Variants in ZNF711 observed in about 807,000 individuals in gnomAD.
ZNF711 encodes zinc finger protein 711.
Under a neutral mutation model 43.5 loss-of-function variants are expected in ZNF711, and 3 were observed. The observed-to-expected ratio is 0.07, with a 90% CI of 0.03 to 0.18. The LOEUF (loss-of-function observed/expected upper bound fraction) is 0.18, where lower values mean the gene tolerates loss of function less well. ZNF711 is among the 10% of genes least tolerant of loss of function. ZNF711 has a pLI of 1.00. For missense variants in ZNF711, 412 were observed against 604.0 expected (o/e 0.68, Z 3.33); for synonymous variants, 209 against 207.7 (o/e 1.01, Z -0.06).
intron 7 of ZNF711, among the ~76,000 whole-genome samples, chrX:85,266,862 G>T (rs924212457): frequency 9.5e-6 from 1 of 105,790 alleles, no homozygotes; most frequent in African/African-American, 3.4e-5. Context: ...TTTATTACAT[G>T]TATAGTACTG....
chrX:85,270,554 T>C, intron 10 of ZNF711, 97 bp from the exon 11 acceptor site: 1 of 736,257 alleles, frequency 1.4e-6, no homozygotes, highest in African/African-American at 2.1e-5. Flanking sequence ...TAGTATTGTT[T>C]TCACATAGTG....
In ZNF711 at chrX:85,244,040, C is replaced by G. The variant is rs1443613813; in HGVS notation, c.-557C>G. Reference sequence around the variant, plus strand: ...CTCGGGCTGCGGAACCTCGGAAACCCGAATGTGAGGACCTTAAGGGATCCA... The same window carrying G: ...CTCGGGCTGCGGAACCTCGGAAACCGGAATGTGAGGACCTTAAGGGATCCA... On this transcript the variant is annotated 5_prime_UTR_variant, in exon 1 of 11. Coordinates refer to ENST00000674551, the MANE Select transcript of ZNF711 (RefSeq NM_001330574.2). The G allele has an allele frequency of 8.0e-6, 1 of 124,501 alleles. No homozygotes were observed. Among genetic ancestry groups the G allele is most frequent in the Non-Finnish European group, 1.6e-5 (1 of 61,745 alleles). The allele number at this position is 124,501 out of a possible 1,213,427, so 10.3% of individuals were successfully genotyped here. A position where few individuals can be genotyped will look rare whatever the true frequency, so the allele number is the denominator to read the frequency against.
At chrX:85,261,541 C>G (rs781075968) in intron 5 of ZNF711, among the ~76,000 whole-genome samples, 8 of 110,907 alleles carry the variant, frequency 7.2e-5, no homozygotes, top group Non-Finnish European at 1.3e-4. Flanking sequence ...TTATACCATA[C>G]TCACCATATA....
rs763025797 is a variant in ZNF711 at position 85,265,282 on chromosome X, C to CT, written c.916+29dup. 29 of 1,194,242 alleles carry CT rather than the reference C, an allele frequency of 2.4e-5. No homozygotes were observed. The Admixed American group carries it at 6.2e-4, about 25-fold the overall frequency. The stretch of plus-strand genomic sequence containing the variant: ...TAAGAAAATAAGGGCACTGTAGTGA[C>CT]TTATCAGTAGCCATCATGCATTATT... On this transcript the variant is annotated intron_variant, in intron 7 of 10. Coordinates refer to ENST00000674551, the MANE Select transcript of ZNF711 (RefSeq NM_001330574.2).
intron 9 of ZNF711, among the ~76,000 whole-genome samples, chrX:85,268,593 T>C (rs1158133742): frequency 1.8e-5 from 2 of 111,286 alleles, no homozygotes; most frequent in African/African-American, 6.5e-5. Flanking sequence ...GTTTATCAAA[T>C]GGACCATAAC....
chrX:85,247,480 T>C, intron 3 of ZNF711, 67 bp from the exon 4 acceptor site: 1 of 796,023 alleles, frequency 1.3e-6, no homozygotes, highest in East Asian at 3.2e-5. Context: ...CAATTGCATT[T>C]TTTTCTCAAA....
intron 4 of ZNF711, among the ~76,000 whole-genome samples, chrX:85,249,261 T>C (rs1929334535): frequency 8.9e-6 from 1 of 112,132 alleles, no homozygotes; most frequent in South Asian, 3.7e-4. Flanking sequence ...AGAGAGTTGA[T>C]AGTTTTTAGA....
chrX:85,256,757 T>G (rs181620717), intron 5 of ZNF711, among the ~76,000 whole-genome samples: 104 of 110,843 alleles, frequency 9.4e-4, no homozygotes, highest in African/African-American at 2.8e-3. Flanking sequence ...AGCATAACTT[T>G]TTTCTTCTAT....
intron 4 of ZNF711, among the ~76,000 whole-genome samples, chrX:85,248,634 A>G (rs1602951841): frequency 1.8e-5 from 2 of 111,005 alleles, no homozygotes; most frequent in African/African-American, 6.5e-5. Flanking sequence ...GAGGAGATAG[A>G]GCTATTTGAA....
intron 9 of ZNF711, among the ~76,000 whole-genome samples, chrX:85,269,371 TTTC>T (rs1308153931): frequency 9.5e-6 from 1 of 105,558 alleles, no homozygotes; most frequent in Non-Finnish European, 1.9e-5. Context: ...TCTTTCTTTC[TTTC>T]TTTTTTCTTT....
At chrX:85,248,777 T>TGAGG (rs1364629676) in intron 4 of ZNF711, among the ~76,000 whole-genome samples, 1 of 111,620 alleles carries the variant, frequency 9.0e-6, no homozygotes, top group Non-Finnish European at 1.9e-5. Flanking sequence ...AAATTAGTGA[T>TGAGG]GAGGGAATAG....
At position 85,255,453 on chromosome X, in the gene ZNF711, G is replaced by GC; in HGVS notation, c.275dup (p.Val93GlyfsTer3). On this transcript the variant is annotated frameshift_variant, in exon 5 of 11. Transcript: ENST00000674551. LOFTEE classifies it high-confidence loss of function. ...AACAGAAGGTGTGATTGTTCCTGAA[G>GC]CGGTACTTGAAGCTGATGTTGCCAT... The GC allele has an allele frequency of 8.3e-7, 1 of 1,211,761 alleles. No individual in the cohort carries two copies. Among genetic ancestry groups the GC allele is most frequent in the Non-Finnish European group, 1.1e-6 (1 of 895,478 alleles).
At chrX:85,261,372 A>G (rs751931713) in intron 5 of ZNF711, among the ~76,000 whole-genome samples, 2 of 111,429 alleles carry the variant, frequency 1.8e-5, no homozygotes, top group African/African-American at 6.5e-5. Context: ...ATGTGAGTGT[A>G]TATTTTTAGT....
Position 85,270,117 on chromosome X carries a change from G to A in ZNF711, c.1217G>A (p.Arg406Lys), listed in dbSNP as rs756129967. ...KVLKQKAKKRRRGETRQWQTA... is the reference protein window; with the variant it reads ...KVLKQKAKKRKRGETRQWQTA... ...CTTAAACAAAAAGCCAAAAAGAGGA[G>A]AAGGGGAGAAACCAGGCAGTGGCAA... Residue 406 changes from arginine (R) to lysine (K), a missense_variant, in exon 10 of 11, where the codon AGA (arginine) becomes AAA (lysine). This residue lies in a region of ZNF711 where 375 missense variants were observed against 514.2 expected (regional missense o/e 0.73). Coordinates refer to ENST00000674551, the MANE Select transcript of ZNF711 (RefSeq NM_001330574.2). 2 of 1,210,101 alleles carry A rather than the reference G, an allele frequency of 1.7e-6. No individual in the cohort carries two copies. The highest frequency in any genetic ancestry group is 1.8e-5 in the South Asian group (1 of 56,920).
At chrX:85,259,834 AAG>A (rs941341005) in intron 5 of ZNF711, among the ~76,000 whole-genome samples, 2 of 111,321 alleles carry the variant, frequency 1.8e-5, no homozygotes, top group Non-Finnish European at 3.8e-5. Context: ...ATCATCAGCA[AAG>A]AGAGATAGTT....
chrX:85,267,734 G>C (rs992607192), intron 8 of ZNF711, among the ~76,000 whole-genome samples: 1 of 111,071 alleles, frequency 9.0e-6, no homozygotes, highest in African/African-American at 3.3e-5. Flanking sequence ...TTCCTCTTTT[G>C]GAAAAACTTA....
Position 85,254,500 on chromosome X carries a change from G to A in ZNF711, c.80-759G>A, listed in dbSNP as rs376653920. 2.3e-4 allele frequency among the ~76,000 whole-genome samples: 17 copies of A among 74,325 alleles called. No individual in the cohort carries two copies. In the East Asian group the frequency reaches 4.4e-3, roughly 19 times the overall value. 64.5% of individuals were successfully genotyped at this position (74,325 alleles called of 115,157 possible). ...CGGGCGCCTGTAGTCCCAGCTACTC[G>A]GGAGGCTGAGGCAGGAGAATGGCGT... On this transcript the variant is annotated intron_variant, in intron 4 of 10. Coordinates refer to ENST00000674551, the MANE Select transcript of ZNF711 (RefSeq NM_001330574.2).
rs1379771537 is a variant in ZNF711 at position 85,267,260 on chromosome X, A to G, written c.917-18A>G. On this transcript the variant is annotated intron_variant, in intron 7 of 10. Transcript: ENST00000674551. ...AAATATTTGGGGTTATAAACAAGCA[A>G]TTATTTCTAAAATTTAGGTTGCGCT... The G allele has an allele frequency of 1.8e-6, 2 of 1,102,281 alleles. No individual in the cohort carries two copies. The highest frequency in any genetic ancestry group is 3.5e-5 in the East Asian group (1 of 28,263). 90.8% of individuals were successfully genotyped at this position (1,102,281 alleles called of 1,213,427 possible).
At chrX:85,253,366 A>G (rs1156846238) in intron 4 of ZNF711, among the ~76,000 whole-genome samples, 2 of 111,949 alleles carry the variant, frequency 1.8e-5, no homozygotes, top group Admixed American at 9.5e-5. Context: ...TGTATATTTT[A>G]TAATAGAATA....
Sources: gnomAD v4.1 joint callset for allele counts (sites outside exome capture counted in the v4.1 genomes callset) on GRCh38, gnomAD v4.1.1 for gene constraint, gnomAD v4.1.1 regional missense constraint, MANE v1.5 for transcripts, NCBI Gene and HGNC (gene_info 2026-07-23, HGNC 2026-07-21) for gene names.